Variants in RIMS2 observed in about 807,000 individuals in gnomAD.
RIMS2 encodes regulating synaptic membrane exocytosis protein 2.
Under a neutral mutation model 174.4 loss-of-function variants are expected in RIMS2, and 59 were observed. That is an observed-to-expected ratio of 0.34 (90% confidence interval 0.27 to 0.42). RIMS2 has a LOEUF of 0.42. Ranked by LOEUF, RIMS2 falls within the 10% of genes least tolerant of loss-of-function variation. The pLI is 1.00. For missense variants in RIMS2, 1,620 were observed against 1,666.3 expected (o/e 0.97, Z 0.48); for synonymous variants, 606 against 572.5 (o/e 1.06, Z -0.84).
At chr8:103,536,852 A>G (rs1840013618) in intron 1 of RIMS2, among the ~76,000 whole-genome samples, 1 of 152,216 alleles carries the variant, frequency 6.6e-6, no homozygotes. Context: ...TCCAAAACAT[A>G]TCAGTCACAC....
At chr8:103,663,829 A>T (rs1426488221) in intron 1 of RIMS2, among the ~76,000 whole-genome samples, 2 of 152,216 alleles carry the variant, frequency 1.3e-5, no homozygotes, top group Non-Finnish European at 2.9e-5. Flanking sequence ...TAGCCAAGAC[A>T]GTCCTAAGCA....
chr8:103,743,865 G>T (rs1415375123), intron 2 of RIMS2, among the ~76,000 whole-genome samples: 2 of 152,094 alleles, frequency 1.3e-5, no homozygotes, highest in Non-Finnish European at 2.9e-5. Context: ...AGACATAAAT[G>T]GGGTTGAACT....
At chr8:103,819,434 G>A in intron 3 of RIMS2, 2 of 1,591,670 alleles carry the variant, frequency 1.3e-6, no homozygotes, top group South Asian at 1.1e-5. Flanking sequence ...TTTATTTGAT[G>A]GTGTCAGCAA....
At chr8:103,596,900 G>T (rs2094498773) in intron 1 of RIMS2, among the ~76,000 whole-genome samples, 1 of 151,934 alleles carries the variant, frequency 6.6e-6, no homozygotes, top group African/African-American at 2.4e-5. Context: ...AGCTCTATTG[G>T]AAATAATTTA....
intron 1 of RIMS2, among the ~76,000 whole-genome samples, chr8:103,636,801 CACA>C (rs138011625): frequency 6.7e-3 from 128 of 18,998 alleles, no homozygotes; most frequent in African/African-American, 0.012. Flanking sequence ...CCCCCCCCCC[CACA>C]CACACACACA....
In RIMS2 at chr8:103,969,161, G is replaced by A. The variant is rs557666382; in HGVS notation, c.2771-6189G>A. On this transcript the variant is annotated intron_variant, in intron 15 of 23. Transcript: ENST00000504942. ...AGGGTTTTTCTTTTTTCTCTTTGTT[G>A]TTATTATTTTGCATTTGTCCTACTT... Among the ~76,000 whole-genome samples, 16 of 151,696 alleles carry A rather than the reference G, an allele frequency of 1.1e-4. No homozygotes were observed. The South Asian group carries it at 3.1e-3, about 30-fold the overall frequency.
intron 14 of RIMS2, among the ~76,000 whole-genome samples, chr8:103,948,741 G>A (rs955945943): frequency 2.6e-5 from 4 of 152,206 alleles, no homozygotes; most frequent in Admixed American, 2.6e-4. Flanking sequence ...ACATTAGATT[G>A]TAGTGATGTA....
intron 1 of RIMS2, among the ~76,000 whole-genome samples, chr8:103,503,804 A>G (rs1027571431): frequency 3.3e-5 from 5 of 152,024 alleles, no homozygotes; most frequent in African/African-American, 1.2e-4. Context: ...CTAGATGCAT[A>G]TAATTTTAAA....
chr8:103,591,055 G>A (rs72677688), intron 1 of RIMS2, among the ~76,000 whole-genome samples: 26,456 of 150,338 alleles, frequency 0.18, 2,530 homozygotes, highest in African/African-American at 0.23. Context: ...ACCAAAAAAG[G>A]TATAAGAGTT....
At chr8:103,588,172 A>G (rs548153456) in intron 1 of RIMS2, among the ~76,000 whole-genome samples, 7 of 152,090 alleles carry the variant, frequency 4.6e-5, no homozygotes, top group African/African-American at 1.7e-4. Context: ...AAAATTAAAT[A>G]CCTAGAAATT....
intron 1 of RIMS2, among the ~76,000 whole-genome samples, chr8:103,541,556 T>C (rs1022655503): frequency 6.6e-6 from 1 of 152,024 alleles, no homozygotes; most frequent in Non-Finnish European, 1.5e-5. Context: ...AGAAAAGAAA[T>C]GCTTTCCAAG....
At chr8:103,752,517 A>G (rs994275997) in intron 2 of RIMS2, among the ~76,000 whole-genome samples, 1 of 152,158 alleles carries the variant, frequency 6.6e-6, no homozygotes, top group African/African-American at 2.4e-5. Flanking sequence ...TGGGGATGGC[A>G]TTGAATCTAT....
intron 4 of RIMS2, among the ~76,000 whole-genome samples, chr8:103,908,423 C>T (rs879658687): frequency 1.3e-5 from 2 of 152,286 alleles, no homozygotes; most frequent in African/African-American, 2.4e-5. Context: ...AAATCAACCA[C>T]CATATTTAAT....
intron 19 of RIMS2, among the ~76,000 whole-genome samples, chr8:104,171,482 G>T (rs1159970789): frequency 7.2e-6 from 1 of 138,914 alleles, no homozygotes; most frequent in Non-Finnish European, 1.5e-5. Flanking sequence ...ATATCCAGAA[G>T]TTCTGATTGA....
At chr8:103,728,250 A>G (rs1010588650) in intron 2 of RIMS2, among the ~76,000 whole-genome samples, 2 of 152,120 alleles carry the variant, frequency 1.3e-5, no homozygotes, top group Admixed American at 1.3e-4. Context: ...TACTGTTGGC[A>G]TATAGAAATG....
Position 104,058,378 on chromosome 8 carries a change from T to G in RIMS2, c.3334+43763T>G, listed in dbSNP as rs748328925. ...TGCATAAATGTCTTCTTTTGAGAAG[T>G]GTCTGTTCATATCCTTCGCCCACTT... On this transcript the variant is annotated intron_variant, in intron 19 of 23. Transcript: ENST00000504942. 2.0e-3 allele frequency among the ~76,000 whole-genome samples: 297 copies of G among 149,732 alleles called. 1 individual carries two copies. Among genetic ancestry groups the G allele is most frequent in the Admixed American group, 6.3e-3 (95 of 15,050 alleles).
intron 1 of RIMS2, among the ~76,000 whole-genome samples, chr8:103,599,545 C>G (rs1392661565): frequency 6.6e-6 from 1 of 151,072 alleles, no homozygotes; most frequent in Admixed American, 6.6e-5. Context: ...CTCAGGTGAT[C>G]CTCCCACCTC....
chr8:103,549,750 G>A (rs1412776200), intron 1 of RIMS2, among the ~76,000 whole-genome samples: 1 of 152,068 alleles, frequency 6.6e-6, no homozygotes, highest in African/African-American at 2.4e-5. Flanking sequence ...GACACACAGA[G>A]GCTCAAAATA....
rs568420987 is a variant in RIMS2, at chr8:103,534,440, A to G, written c.176+33378A>G. 2.0e-5 allele frequency among the ~76,000 whole-genome samples: 3 copies of G among 152,322 alleles called. No individual in the cohort carries two copies. In the South Asian group the frequency reaches 6.2e-4, roughly 32 times the overall value. On this transcript the variant is annotated intron_variant, in intron 1 of 23. Transcript: ENST00000504942. ...AGTTAATATCCAACTTTCATCTGCAATGTATGATGTATAACATGCTAAAAG... is the reference window on the plus strand; with the variant it reads ...AGTTAATATCCAACTTTCATCTGCAGTGTATGATGTATAACATGCTAAAAG...
Sources: allele counts gnomAD v4.1 joint callset (sites outside exome capture counted in the v4.1 genomes callset), GRCh38; gene constraint gnomAD v4.1.1; transcripts MANE v1.5; gene names NCBI Gene and HGNC (gene_info 2026-07-23, HGNC 2026-07-21).